The following VWA3B variants were observed in gnomAD, a reference collection of about 807,000 sequenced individuals.
VWA3B encodes von Willebrand factor A domain containing 3B.
VWA3B carries 138 observed loss-of-function variants against 158.3 expected under a neutral mutation model. That is an observed-to-expected ratio of 0.87 (90% CI 0.76 to 1.00). The LOEUF (loss-of-function observed/expected upper bound fraction) is 1.00. Ranked by LOEUF, VWA3B falls within the 50% of genes least tolerant of loss-of-function variation. The pLI is 0.00. For synonymous variants in VWA3B, 596 were observed against 587.3 expected, an observed-to-expected ratio of 1.01 and a Z score of -0.21; for missense variants, 1,555 against 1,565.1, an observed-to-expected ratio of 0.99 and a Z score of 0.11.
At chr2:98,260,981 G>T (rs1167064349) in intron 21 of VWA3B, among the ~76,000 whole-genome samples, 1 of 151,492 alleles carries the variant, frequency 6.6e-6, no homozygotes, top group Non-Finnish European at 1.5e-5. Flanking sequence ...ACCTCATTCT[G>T]CCAGTCTTTC....
the VWA3B span, among the ~76,000 whole-genome samples, chr2:98,321,493 C>T: frequency 1.1e-4 from 16 of 152,214 alleles, no homozygotes; most frequent in African/African-American, 3.4e-4. Context: ...TCTGAAAAGT[C>T]CCCCTTGTGG....
intron 21 of VWA3B, among the ~76,000 whole-genome samples, chr2:98,269,644 C>A (rs550411480): frequency 6.6e-6 from 1 of 152,286 alleles, no homozygotes; most frequent in South Asian, 2.1e-4. Context: ...TTAGGGCAGG[C>A]AAAATGCAAC....
At chr2:98,261,716 A>C (rs770204668) in intron 21 of VWA3B, among the ~76,000 whole-genome samples, 1 of 151,792 alleles carries the variant, frequency 6.6e-6, no homozygotes, top group Non-Finnish European at 1.5e-5. Flanking sequence ...GACATTAAAT[A>C]TATCAACATG....
intron 2 of VWA3B, among the ~76,000 whole-genome samples, chr2:98,113,954 T>C (rs868041611): frequency 1.3e-5 from 2 of 152,190 alleles, no homozygotes; most frequent in South Asian, 4.1e-4. Flanking sequence ...GGCAGTTAAG[T>C]TGGCTGGACT....
intron 6 of VWA3B, among the ~76,000 whole-genome samples, chr2:98,132,328 T>C (rs918327932): frequency 4.6e-5 from 7 of 152,240 alleles, no homozygotes; most frequent in Non-Finnish European, 1.0e-4. Flanking sequence ...TTGGTCTTGG[T>C]GCACCTTTGG....
At chr2:98,223,286 AAAC>A (rs1490374592) in intron 14 of VWA3B, among the ~76,000 whole-genome samples, 2 of 149,570 alleles carry the variant, frequency 1.3e-5, no homozygotes, top group Non-Finnish European at 3.0e-5. Flanking sequence ...CAGTCACTCT[AAAC>A]AACAGAGAGA....
chr2:98,128,018 C>T lies in VWA3B; in HGVS notation c.703-221C>T, dbSNP rs1675518042. On this transcript the variant is annotated intron_variant, in intron 5 of 27. Coordinates refer to ENST00000477737, the MANE Select transcript of VWA3B (RefSeq NM_144992.5). ...CCAACCATATTCTTCTCGTGCCTTA[C>T]CCAAGACAATAGCCACTGTTGACAG... 6.1e-6 allele frequency: 3 copies of T among 490,604 alleles called. No individual in the cohort carries two copies. The East Asian group carries it at 9.7e-5, about 16-fold the overall frequency. The allele number at this position is 490,604 out of a possible 1,614,324, so 30.4% of individuals were successfully genotyped here.
chr2:98,116,014 TA>T (rs1318512956), intron 3 of VWA3B, among the ~76,000 whole-genome samples: 1 of 150,918 alleles, frequency 6.6e-6, no homozygotes, highest in Non-Finnish European at 1.5e-5. Context: ...GCTTTGAAAA[TA>T]AAGGAAAAAA....
In VWA3B at chr2:98,243,060, A is replaced by G. The variant is rs1200711986; in HGVS notation, c.2673+6330A>G. ...TAGTTATCATCCACCTCATCATCTC[A>G]TGGTTATCTGGCCAGATCTTCTTAC... On this transcript the variant is annotated intron_variant, in intron 19 of 27. Coordinates refer to ENST00000477737, the MANE Select transcript of VWA3B (RefSeq NM_144992.5). Among the ~76,000 whole-genome samples the G allele has an allele frequency of 2.0e-5, 3 of 151,968 alleles. No homozygotes were observed. The East Asian group carries it at 5.8e-4, about 29-fold the overall frequency.
At chr2:98,303,343 G>A (rs1690312064) in intron 25 of VWA3B, among the ~76,000 whole-genome samples, 1 of 152,138 alleles carries the variant, frequency 6.6e-6, no homozygotes, top group Admixed American at 6.6e-5. Flanking sequence ...GAGACCCAAA[G>A]AGGGTGAAGG....
At chr2:98,180,832 G>A (rs916192681) in intron 8 of VWA3B, among the ~76,000 whole-genome samples, 184 bp from the exon 9 acceptor site, 11 of 152,320 alleles carry the variant, frequency 7.2e-5, no homozygotes, top group African/African-American at 2.6e-4. Context: ...AAAAGTAGTC[G>A]TGGTTTTTGC....
At position 98,219,343 on chromosome 2, in the gene VWA3B, C is replaced by T. The variant is rs1684292054; in HGVS notation, c.2019+1315C>T. 3.9e-5 allele frequency among the ~76,000 whole-genome samples: 6 copies of T among 152,168 alleles called. No individual in the cohort carries two copies. In the South Asian group the frequency reaches 1.2e-3, roughly 32 times the overall value. On this transcript the variant is annotated intron_variant, in intron 14 of 27. Transcript: ENST00000477737. ...AGAATGGGATGAACAGCAGATCAGA[C>T]ATTGCGTAACACAAAACTAGTGAAT...
intron 7 of VWA3B, among the ~76,000 whole-genome samples, chr2:98,156,935 G>GT (rs2105206315): frequency 6.6e-6 from 1 of 152,256 alleles, no homozygotes; most frequent in East Asian, 1.9e-4. Context: ...TTCTCACCAA[G>GT]TTTGGGGGAG....
Position 98,300,190 on chromosome 2 carries a change from A to G in VWA3B, c.3394A>G (p.Thr1132Ala). The change falls in exon 25 of 28, where the codon ACA becomes GCA. Residue 1132 changes from threonine to alanine, a missense_variant. Physicochemically the swap from Thr to Ala is moderately conservative, Grantham distance 58. Coordinates refer to ENST00000477737, the MANE Select transcript of VWA3B (RefSeq NM_144992.5). The part of the protein sequence containing the change: ...NKHVATEKFY[T>A]VLKCNNRREF... ...GCATGTGGCCACAGAAAAATTCTAC[A>G]CAGTTTTGAAGTGTAACAACCGGAG... The G allele has an allele frequency of 6.2e-7, 1 of 1,614,218 alleles. No homozygotes were observed. Among genetic ancestry groups the G allele is most frequent in the Non-Finnish European group, 8.5e-7 (1 of 1,180,032 alleles).
At chr2:98,121,578 C>A in intron 5 of VWA3B, 120 bp downstream of exon 5, 1 of 1,332,890 alleles carries the variant, frequency 7.5e-7, no homozygotes, top group Non-Finnish European at 1.0e-6. Context: ...CAGGATCCGA[C>A]AGAGATCCCA....
At chr2:98,282,285 A>T (rs576829462) in intron 22 of VWA3B, among the ~76,000 whole-genome samples, 2 of 150,982 alleles carry the variant, frequency 1.3e-5, no homozygotes, top group African/African-American at 5.0e-5. Flanking sequence ...GTATAGTTCA[A>T]CTGACTGTGC....
chr2:98,294,241 T>G (rs959346074), intron 23 of VWA3B, among the ~76,000 whole-genome samples: 2 of 64,428 alleles, frequency 3.1e-5, no homozygotes, highest in Admixed American at 2.8e-4. Context: ...GAAGGCCAAA[T>G]AAAATGTTGC....
At chr2:98,242,032 G>T (rs1686103566) in intron 19 of VWA3B, among the ~76,000 whole-genome samples, 2 of 152,070 alleles carry the variant, frequency 1.3e-5, no homozygotes, top group African/African-American at 4.8e-5. Flanking sequence ...GGACTTTTAT[G>T]AAAAAGCAGA....
chr2:98,134,581 C>G (rs1676123494), intron 7 of VWA3B, among the ~76,000 whole-genome samples: 1 of 152,016 alleles, frequency 6.6e-6, no homozygotes, highest in African/African-American at 2.4e-5. Context: ...GTGCTGAAGA[C>G]TGAATAAACC....
Sources: gnomAD v4.1 joint callset for allele counts (sites outside exome capture counted in the v4.1 genomes callset) on GRCh38, gnomAD v4.1.1 for gene constraint, MANE v1.5 for transcripts, NCBI Gene and HGNC (gene_info 2026-07-23, HGNC 2026-07-21) for gene names.